Variants in MGST1 observed in about 807,000 individuals in gnomAD.
The protein encoded by MGST1 is glutathione S-transferase 12.
A neutral mutation model predicts 8.9 loss-of-function variants in MGST1; 5 were observed. The ratio of observed to expected loss-of-function variants is 0.56; its 90% CI spans 0.29 to 1.19. MGST1 has a LOEUF of 1.19. Among genes scored for constraint, MGST1 ranks in the 50% most tolerant of loss-of-function variants. The pLI, the probability that MGST1 is intolerant of heterozygous loss-of-function variation, is 0.08. For synonymous variants in MGST1, 54 were observed against 67.8 expected (o/e 0.80, Z 1.00); for missense variants, 182 against 187.4 (o/e 0.97, Z 0.17).
chr12:16,450,695 T>G (rs1402414105), intron 4 of MGST1, among the ~76,000 whole-genome samples: 1 of 151,988 alleles, frequency 6.6e-6, no homozygotes, highest in Non-Finnish European at 1.5e-5. Context: ...ACCCCTATGA[T>G]GTGCTAATGA....
chr12:16,529,408 T>C (rs138310954), intron 4 of MGST1, among the ~76,000 whole-genome samples: 86 of 152,212 alleles, frequency 5.7e-4, no homozygotes, highest in African/African-American at 2.0e-3. Context: ...AGTGAAAATG[T>C]TACATTTCAA....
chr12:16,515,022 C>T (rs984293233), intron 4 of MGST1, among the ~76,000 whole-genome samples: 8 of 152,278 alleles, frequency 5.3e-5, no homozygotes, highest in South Asian at 2.1e-4. Flanking sequence ...TTATAGAGTT[C>T]GGGTTCCTCA....
chr12:16,562,426 T>A (rs1011713948), intron 4 of MGST1, among the ~76,000 whole-genome samples: 1 of 152,236 alleles, frequency 6.6e-6, no homozygotes, highest in Non-Finnish European at 1.5e-5. Context: ...TTTGTTCATA[T>A]CTAATAAACA....
intron 4 of MGST1, among the ~76,000 whole-genome samples, chr12:16,577,138 T>C (rs1035548350): frequency 3.3e-5 from 5 of 152,294 alleles, no homozygotes; most frequent in East Asian, 1.9e-4. Flanking sequence ...GTATCCCTCA[T>C]ATCTAGTGAT....
intron 4 of MGST1, among the ~76,000 whole-genome samples, chr12:16,504,326 C>G (rs968381027): frequency 1.3e-5 from 2 of 152,156 alleles, no homozygotes; most frequent in African/African-American, 4.8e-5. Context: ...GTTCAAAATT[C>G]ACAGTACCAC....
At chr12:16,355,355 C>A (rs1336091443) in intron 2 of MGST1, among the ~76,000 whole-genome samples, 1 of 151,956 alleles carries the variant, frequency 6.6e-6, no homozygotes, top group South Asian at 2.1e-4. Context: ...ATTATAGGCA[C>A]GCACCACCAG....
chr12:16,516,459 A>C (rs1373505833), intron 4 of MGST1, among the ~76,000 whole-genome samples: 1 of 152,208 alleles, frequency 6.6e-6, no homozygotes, highest in Non-Finnish European at 1.5e-5. Flanking sequence ...TGGGCATCAG[A>C]AGACCTGGAT....
chr12:16,530,813 G>A (rs1204777281), intron 4 of MGST1, among the ~76,000 whole-genome samples: 1 of 151,996 alleles, frequency 6.6e-6, no homozygotes, highest in East Asian at 1.9e-4. Flanking sequence ...TTATTTGAAT[G>A]AAGGAACTTT....
chr12:16,463,191 T>C (rs1941232349), intron 4 of MGST1, among the ~76,000 whole-genome samples: 2 of 152,058 alleles, frequency 1.3e-5, no homozygotes, highest in African/African-American at 4.8e-5. Context: ...ACACCTAGTT[T>C]TCTTTTTTTA....
rs57414242 is a variant in MGST1, at chr12:16,517,057, A to C, written n.483-72471A>C. Among the ~76,000 whole-genome samples, 7,935 of 152,264 alleles carry C rather than the reference A, an allele frequency of 0.052. 546 individuals carry two copies. The highest frequency in any genetic ancestry group is 0.17 in the East Asian group (870 of 5,166). On this transcript the variant is annotated intron_variant and non_coding_transcript_variant, in intron 4 of 4. Coordinates refer to the MGST1 transcript ENST00000538857. The surrounding 1 kb of genome is among the most constrained non-coding windows in gnomAD (Gnocchi z 4.2). ...TACAGTGAGCTGAACCCCCAAGAAT[A>C]TAGACATGAATGAAATTGGAGTTAC...
rs1014925584 is a variant in MGST1, at chr12:16,400,019, A to T, written n.778+16415A>T. On this transcript the variant is annotated intron_variant and non_coding_transcript_variant, in intron 1 of 1. Transcript: ENST00000359720. The stretch of plus-strand genomic sequence containing the variant: ...CTGTAGGGAGCTCTGTTAAATCCCA[A>T]GTCCCTAAAAGGCACTTCAAATTCC... The T allele has an allele frequency of 5.8e-6, 9 of 1,555,876 alleles. No homozygotes were observed. In the African/African-American group the frequency reaches 1.2e-4, roughly 21 times the overall value.
At chr12:16,465,573 A>G (rs1941248244) in intron 4 of MGST1, among the ~76,000 whole-genome samples, 1 of 152,156 alleles carries the variant, frequency 6.6e-6, no homozygotes, top group Non-Finnish European at 1.5e-5. Flanking sequence ...TGACGGATCT[A>G]GGTTGCACGC....
chr12:16,350,581 C>G (rs9332890), intron 1 of MGST1, among the ~76,000 whole-genome samples: 3,049 of 152,284 alleles, frequency 0.02, 105 homozygotes, highest in African/African-American at 0.069. Context: ...GCTGCAGAGC[C>G]AACCATGATA....
chr12:16,507,298 A>G (rs1401169808), intron 4 of MGST1, among the ~76,000 whole-genome samples: 1 of 152,098 alleles, frequency 6.6e-6, no homozygotes, highest in Non-Finnish European at 1.5e-5. Context: ...GGTGGGGTGG[A>G]GAAATGGGTG....
intron 4 of MGST1, among the ~76,000 whole-genome samples, chr12:16,562,416 T>C (rs1216437869): frequency 6.6e-6 from 1 of 152,234 alleles, no homozygotes; most frequent in Non-Finnish European, 1.5e-5. Context: ...AATTATTCAG[T>C]TTGTTCATAT....
At chr12:16,564,753 A>G (rs1382891665) in intron 4 of MGST1, among the ~76,000 whole-genome samples, 5 of 152,216 alleles carry the variant, frequency 3.3e-5, no homozygotes, top group Non-Finnish European at 7.3e-5. Context: ...ATCAGTAGTC[A>G]AGCAATCCTC....
chr12:16,402,097 C>G (rs918531750), intron 1 of MGST1: 1 of 1,534,098 alleles, frequency 6.5e-7, no homozygotes, highest in African/African-American at 1.4e-5. Context: ...TCATTCTTTT[C>G]TCATATCAGC....
downstream of MGST1, among the ~76,000 whole-genome samples, chr12:16,590,582 C>T (rs563403626): frequency 6.6e-6 from 1 of 151,300 alleles, no homozygotes; most frequent in Non-Finnish European, 1.5e-5. Context: ...CACATCTTTG[C>T]AATTTGTATT....
At chr12:16,522,404 G>A (rs1206806742) in intron 4 of MGST1, among the ~76,000 whole-genome samples, 1 of 152,034 alleles carries the variant, frequency 6.6e-6, no homozygotes, top group East Asian at 1.9e-4. Flanking sequence ...AAAATGAGCA[G>A]GATGATGGGC....
Sources: allele counts gnomAD v4.1 joint callset (sites outside exome capture counted in the v4.1 genomes callset), GRCh38; gene constraint gnomAD v4.1.1; non-coding constraint Gnocchi (gnomAD v3.1); transcripts MANE v1.5; gene names NCBI Gene and HGNC (gene_info 2026-07-23, HGNC 2026-07-21).